Variants in POLR3A observed in about 807,000 individuals in gnomAD.
POLR3A encodes DNA-directed RNA polymerase III subunit RPC1.
In POLR3A, 112 loss-of-function variants were observed where a neutral mutation model predicts 152.8. The observed-to-expected ratio is 0.73, with a 90% CI of 0.63 to 0.86. The LOEUF (loss-of-function observed/expected upper bound fraction) is 0.86, where lower values mean the gene tolerates loss of function less well. POLR3A is among the 40% of genes least tolerant of loss of function. The probability of loss-of-function intolerance (pLI) is 0.00; values close to 1 mark genes in which losing one functional copy is unlikely to be tolerated. For missense variants in POLR3A, 1,385 were observed against 1,743.1 expected (o/e 0.79, Z 3.66); for synonymous variants, 615 against 652.1 (o/e 0.94, Z 0.87).
chr10:78,013,397 C>T (rs1847485455), intron 11 of POLR3A: 1 of 498,374 alleles, frequency 2.0e-6, no homozygotes, highest in Non-Finnish European at 3.6e-6. Context: ...CATTTATAGG[C>T]CAGAAAATCC....
chr10:77,976,496 C>T lies in POLR3A; in HGVS notation c.*982G>A, dbSNP rs1022476463. The stretch of plus-strand genomic sequence containing the variant: ...CCAAAAATCACTCGGTCACGAATTC[C>T]TAATCCACAATCACATCAGTAGGAA... On this transcript the variant is annotated 3_prime_UTR_variant, in exon 31 of 31. Transcript: ENST00000372371. 6.6e-6 allele frequency: 1 copy of T among 152,228 alleles called. No homozygotes were observed. Among genetic ancestry groups the T allele is most frequent in the African/African-American group, 2.4e-5 (1 of 41,436 alleles). 9.4% of individuals were successfully genotyped at this position (152,228 alleles called of 1,614,324 possible). A position where few individuals can be genotyped will look rare whatever the true frequency, so the allele number is the denominator to read the frequency against.
At chr10:78,006,340 C>A (rs1043344293) in intron 15 of POLR3A, among the ~76,000 whole-genome samples, 1 of 130,674 alleles carries the variant, frequency 7.7e-6, no homozygotes, top group African/African-American at 3.0e-5. Context: ...GAGGTTGCAG[C>A]GAGCTGAGAT....
rs988671314 is a variant in POLR3A at position 78,024,399 on chromosome 10, G to A, written c.645+150C>T. On this transcript the variant is annotated intron_variant, in intron 5 of 30. Coordinates refer to ENST00000372371, the MANE Select transcript of POLR3A (RefSeq NM_007055.4). ...AAAAAAAAAAAAAAAAGGAATTATC[G>A]GAGAGCTGTCGAACCTAACTGGACC... 1.1e-4 allele frequency: 75 copies of A among 688,110 alleles called. 1 individual carries two copies. The highest frequency in any genetic ancestry group is 1.7e-4 in the South Asian group (10 of 60,468). The allele number at this position is 688,110 out of a possible 1,614,324, so 42.6% of individuals were successfully genotyped here. A position where few individuals can be genotyped will look rare whatever the true frequency, so the allele number is the denominator to read the frequency against.
intron 11 of POLR3A, chr10:78,013,037 G>A (rs574441255): frequency 6.2e-6 from 1 of 161,428 alleles, no homozygotes; most frequent in East Asian, 1.8e-4. Flanking sequence ...AACAGTTAAA[G>A]CTCAACTGTA....
rs112782972 is a variant in POLR3A, at chr10:78,018,971, C to A, written c.1289+191G>T. Among the ~76,000 whole-genome samples the A allele has an allele frequency of 1.9e-3, 295 of 152,284 alleles. 3 individuals are homozygous for A. The highest frequency in any genetic ancestry group is 6.1e-3 in the African/African-American group (255 of 41,558). On this transcript the variant is annotated intron_variant, in intron 9 of 30. Transcript: ENST00000372371. ...TTACAAGCCTGAGAACAAAGGAGCA[C>A]TTCATGTATATTCAATGACTGAACA...
At chr10:78,019,826 C>A in intron 8 of POLR3A, 1 of 153,454 alleles carries the variant, frequency 6.5e-6, no homozygotes, top group Non-Finnish European at 1.4e-5. Context: ...TAAAGCTAAT[C>A]AATATTCTCG....
intron 1 of POLR3A, among the ~76,000 whole-genome samples, chr10:78,028,792 C>T (rs745657161): frequency 5.3e-5 from 8 of 152,068 alleles, no homozygotes; most frequent in Non-Finnish European, 1.2e-4. Context: ...AGTAAGCCAC[C>T]GCGCCCGGCT....
chr10:77,980,072 A>G, intron 30 of POLR3A, 69 bp downstream of exon 30: 2 of 1,444,588 alleles, frequency 1.4e-6, no homozygotes, highest in Non-Finnish European at 1.9e-6. Context: ...ATTCCCTTGG[A>G]AGCCTAGCCA....
chr10:77,986,194 T>G (rs1401283908), intron 21 of POLR3A, 35 bp from the exon 22 acceptor site: 1 of 998,614 alleles, frequency 1.0e-6, no homozygotes, highest in Non-Finnish European at 1.6e-6. Flanking sequence ...ATTTGTAAGT[T>G]TCACAGTCAT....
At chr10:77,984,716 C>T (rs1847181175) in intron 24 of POLR3A, among the ~76,000 whole-genome samples, 1 of 152,182 alleles carries the variant, frequency 6.6e-6, no homozygotes, top group African/African-American at 2.4e-5. Flanking sequence ...TTATTTTTGT[C>T]ATCGAAGGCA....
Position 78,000,092 on chromosome 10 carries a change from A to G in POLR3A, c.2505T>C (p.Ala835=). Reference sequence around the variant, plus strand: ...GTGTCAAACCGGAATAAAAGCTATTAGCCACAAAGCCTTTGGCAGCTGGGA... The same window carrying G: ...GTGTCAAACCGGAATAAAAGCTATTGGCCACAAAGCCTTTGGCAGCTGGGA... ...SKLPAAKGFV[A]NSFYSGLTPT... is the part of the protein sequence containing the mutation. The change falls in exon 19 of 31, where the codon GCT becomes GCC. Residue 835 remains alanine, a synonymous_variant. Coordinates refer to ENST00000372371, the MANE Select transcript of POLR3A (RefSeq NM_007055.4). The G allele has an allele frequency of 6.2e-7, 1 of 1,614,194 alleles. No individual in the cohort carries two copies. The highest frequency in any genetic ancestry group is 8.5e-7 in the Non-Finnish European group (1 of 1,180,012).
At chr10:78,008,407 G>A (rs1016813106) in intron 14 of POLR3A, among the ~76,000 whole-genome samples, 3 of 152,176 alleles carry the variant, frequency 2.0e-5, no homozygotes, top group Non-Finnish European at 4.4e-5. Flanking sequence ...AGGAGTATCA[G>A]TGCCCTTCAA....
At chr10:78,025,192 T>C in intron 3 of POLR3A, 50 bp from the exon 4 acceptor site, 1 of 1,599,086 alleles carries the variant, frequency 6.3e-7, no homozygotes, top group Non-Finnish European at 8.6e-7. Context: ...GAATGAAAAA[T>C]TATTTTCTTT....
chr10:77,993,431 A>G, intron 19 of POLR3A, 64 bp from the exon 20 acceptor site: 2 of 1,248,054 alleles, frequency 1.6e-6, no homozygotes, highest in East Asian at 4.7e-5. Context: ...GGAGAGGATA[A>G]GATTTGCAAC....
In POLR3A at chr10:77,994,128, G is replaced by A. The variant is rs2131937661; in HGVS notation, c.2617-761C>T. ...GGTAAAAGTATTTCACAGTCTATTG[G>A]GTTTCTGACAAAAGCAGCATGCTCC... On this transcript the variant is annotated intron_variant, in intron 19 of 30. Coordinates refer to ENST00000372371, the MANE Select transcript of POLR3A (RefSeq NM_007055.4). 2.0e-5 allele frequency among the ~76,000 whole-genome samples: 3 copies of A among 152,242 alleles called. No homozygotes were observed. In the South Asian group the frequency reaches 6.2e-4, roughly 32 times the overall value.
intron 16 of POLR3A, among the ~76,000 whole-genome samples, 177 bp from the exon 17 acceptor site, chr10:78,002,485 A>C (rs988402640): frequency 6.6e-6 from 1 of 152,232 alleles, no homozygotes; most frequent in Non-Finnish European, 1.5e-5. Flanking sequence ...GAACATGTAC[A>C]TCTTCTACAA....
chr10:77,982,889 A>G, intron 26 of POLR3A, 72 bp from the exon 27 acceptor site: 1 of 1,458,824 alleles, frequency 6.9e-7, no homozygotes, highest in African/African-American at 1.4e-5. Context: ...TTGCCCCTCT[A>G]AGAAGTCCTT....
chr10:77,981,499 T>C lies in POLR3A; in HGVS notation c.3820A>G (p.Thr1274Ala). 6.2e-7 allele frequency: 1 copy of C among 1,613,844 alleles called. No homozygotes were observed. The highest frequency in any genetic ancestry group is 8.5e-7 in the Non-Finnish European group (1 of 1,179,804). ...ATGCTCATGCCGTGGTTCACCATGGTGTACTGGATTTCATTGATGATCGTT... is the reference window on the plus strand; with the variant it reads ...ATGCTCATGCCGTGGTTCACCATGGCGTACTGGATTTCATTGATGATCGTT... ...RTTIINEIQY[T>A]MVNHGMSIDR... is the part of the protein sequence containing the mutation. Residue 1274 changes from threonine (T) to alanine (A), a missense_variant, in exon 29 of 31, where the codon ACC becomes GCC. Coordinates refer to ENST00000372371, the MANE Select transcript of POLR3A (RefSeq NM_007055.4).
rs187172807 is a variant in POLR3A at position 77,996,974 on chromosome 10, C to G, written c.2616+3007G>C. On this transcript the variant is annotated intron_variant, in intron 19 of 30. Transcript: ENST00000372371. ...AAAAGCTTATCCACCATGATCAAGT[C>G]GGCTTCATCCCTGGGATGCAAGGCT... is the stretch of plus-strand genomic sequence containing the variant. 5.9e-5 allele frequency among the ~76,000 whole-genome samples: 9 copies of G among 152,220 alleles called. No homozygotes were observed. In the East Asian group the frequency reaches 7.7e-4, roughly 13 times the overall value.
Sources: gnomAD v4.1 joint callset for allele counts (sites outside exome capture counted in the v4.1 genomes callset) on GRCh38, gnomAD v4.1.1 for gene constraint, MANE v1.5 for transcripts, NCBI Gene and HGNC (gene_info 2026-07-23, HGNC 2026-07-21) for gene names.